NR3C1: variants seen among roughly 807,000 people sequenced by gnomAD.
NR3C1 encodes the protein nuclear receptor subfamily 3 group C member 1.
In NR3C1, 14 loss-of-function variants were observed where a neutral mutation model predicts 74.0. The observed-to-expected ratio is 0.19, with a 90% CI of 0.12 to 0.30. NR3C1 has a LOEUF of 0.30. Ranked by LOEUF, NR3C1 falls within the 10% of genes least tolerant of loss-of-function variation. The pLI is 1.00. For synonymous variants in NR3C1, 308 were observed against 332.5 expected, an observed-to-expected ratio of 0.93 and a Z score of 0.80; for missense variants, 695 against 909.8, an observed-to-expected ratio of 0.76 and a Z score of 3.04.
chr5:143,415,115 G>T (rs1344880847), intron 1 of NR3C1, among the ~76,000 whole-genome samples: 2 of 152,152 alleles, frequency 1.3e-5, no homozygotes, highest in African/African-American at 2.4e-5. Flanking sequence ...CATACTTATT[G>T]TAAAAATCCA....
chr5:143,419,807 G>A (rs564239141), intron 1 of NR3C1, among the ~76,000 whole-genome samples: 1 of 152,124 alleles, frequency 6.6e-6, no homozygotes, highest in African/African-American at 2.4e-5. Flanking sequence ...AGGAGACAGG[G>A]TTTGAGAGCA....
intron 2 of NR3C1, among the ~76,000 whole-genome samples, chr5:143,352,630 T>C (rs1428012442): frequency 1.3e-5 from 2 of 152,320 alleles, no homozygotes; most frequent in East Asian, 3.9e-4. Flanking sequence ...GTCAGACGAA[T>C]TTTTTGGTTT....
chr5:143,428,132 C>A (rs940395374), intron 1 of NR3C1, among the ~76,000 whole-genome samples: 2 of 152,130 alleles, frequency 1.3e-5, no homozygotes, highest in African/African-American at 2.4e-5. Context: ...GACTTACAGG[C>A]GAATAGATTC....
intron 2 of NR3C1, among the ~76,000 whole-genome samples, chr5:143,369,239 C>T (rs1833822313): frequency 1.3e-5 from 2 of 152,102 alleles, no homozygotes; most frequent in African/African-American, 4.8e-5. Context: ...TTATACATTG[C>T]TGATGGGAGT....
chr5:143,402,832 C>T (rs1840581371), intron 1 of NR3C1: 1 of 985,324 alleles, frequency 1.0e-6, no homozygotes, highest in East Asian at 1.1e-4. Flanking sequence ...GCTTAGCGTT[C>T]ACCACGAAAA....
rs1230892775 is a variant in NR3C1 at position 143,303,390 on chromosome 5, AT to A, written c.1469-2628del. The stretch of plus-strand genomic sequence containing the variant: ...TAGATTGAACCAGGAAGAAACTGAA[AT>A]TCTGAACAGACCAATAACGAGTTCT... On this transcript the variant is annotated intron_variant, in intron 4 of 8. Coordinates refer to ENST00000394464, the MANE Select transcript of NR3C1 (RefSeq NM_000176.3). 3.3e-5 allele frequency among the ~76,000 whole-genome samples: 5 copies of A among 152,138 alleles called. No individual in the cohort carries two copies. In the South Asian group the frequency reaches 1.0e-3, roughly 32 times the overall value.
intron 7 of NR3C1, among the ~76,000 whole-genome samples, chr5:143,293,279 T>C (rs1318780554): frequency 6.6e-6 from 1 of 152,144 alleles, no homozygotes. Context: ...AACCCAGGAA[T>C]GGGAAACCAA....
intron 1 of NR3C1, among the ~76,000 whole-genome samples, chr5:143,428,023 A>C (rs1377113563): frequency 2.0e-5 from 3 of 152,200 alleles, no homozygotes; most frequent in Non-Finnish European, 4.4e-5. Flanking sequence ...ACATGTGGCA[A>C]TTATGTTTTT....
chr5:143,410,993 C>A (rs894000042), intron 1 of NR3C1, among the ~76,000 whole-genome samples: 1 of 152,042 alleles, frequency 6.6e-6, no homozygotes, highest in African/African-American at 2.4e-5. Context: ...TATAAACTCA[C>A]AATCAAATAT....
At chr5:143,403,969 CAGCGGCGG>C, upstream of NR3C1, 1 of 985,400 alleles carries the variant, frequency 1.0e-6, no homozygotes, top group Non-Finnish European at 1.2e-6. Context: ...GTGGCGGCGG[CAGCGGCGG>C]GGGCCGACCT....
chr5:143,404,175 C>A (rs1196658506), upstream of NR3C1: 17 of 985,396 alleles, frequency 1.7e-5, 1 homozygote, highest in East Asian at 1.1e-4. Context: ...CGGGGCGCCT[C>A]CCGCGGCTGA....
exon 1 of NR3C1, chr5:143,435,234 A>C: frequency 1.0e-6 from 1 of 985,194 alleles, no homozygotes; most frequent in Non-Finnish European, 1.2e-6. Context: ...TTCCCCACTC[A>C]TGCCCCAGTG....
At chr5:143,324,039 G>A (rs1823995640) in intron 2 of NR3C1, among the ~76,000 whole-genome samples, 1 of 152,166 alleles carries the variant, frequency 6.6e-6, no homozygotes, top group Non-Finnish European at 1.5e-5. Flanking sequence ...TTCACAGGCT[G>A]GCATTGAGTG....
intron 7 of NR3C1, among the ~76,000 whole-genome samples, chr5:143,284,527 T>C (rs908784401): frequency 1.4e-5 from 2 of 140,120 alleles, no homozygotes; most frequent in African/African-American, 2.6e-5. Context: ...CGATGGCTTA[T>C]AGTTTTTTTC....
intron 2 of NR3C1, among the ~76,000 whole-genome samples, chr5:143,324,758 C>A (rs551245168): frequency 3.3e-5 from 5 of 152,318 alleles, no homozygotes; most frequent in East Asian, 1.9e-4. Flanking sequence ...TTTAACAGCA[C>A]CGAAGTCACC....
chr5:143,340,711 G>A (rs1828041146), intron 2 of NR3C1, among the ~76,000 whole-genome samples: 1 of 152,042 alleles, frequency 6.6e-6, no homozygotes, highest in Non-Finnish European at 1.5e-5. Context: ...TTGAACTCCT[G>A]ACCTCGTGAT....
intron 2 of NR3C1, among the ~76,000 whole-genome samples, chr5:143,360,588 A>T (rs796910612): frequency 1.7e-4 from 26 of 152,366 alleles, no homozygotes; most frequent in African/African-American, 5.8e-4. Flanking sequence ...AGCCTAATCT[A>T]AAATTTTCTA....
At chr5:143,345,155 C>T (rs911782515) in intron 2 of NR3C1, among the ~76,000 whole-genome samples, 2 of 152,140 alleles carry the variant, frequency 1.3e-5, no homozygotes, top group Non-Finnish European at 2.9e-5. Context: ...GTATAAGCTG[C>T]AGGCCCCCTG....
chr5:143,387,412 T>G (rs1443747119), intron 2 of NR3C1, among the ~76,000 whole-genome samples: 1 of 152,226 alleles, frequency 6.6e-6, no homozygotes, highest in African/African-American at 2.4e-5. Context: ...CAATAATCAC[T>G]CATATATTTA....
Sources: gnomAD v4.1 joint callset for allele counts (sites outside exome capture counted in the v4.1 genomes callset) on GRCh38, gnomAD v4.1.1 for gene constraint, MANE v1.5 for transcripts, NCBI Gene and HGNC (gene_info 2026-07-23, HGNC 2026-07-21) for gene names.